UBL7: variants seen among roughly 807,000 people sequenced by gnomAD.
UBL7 encodes the protein ubiquitin-like protein 7.
A neutral mutation model predicts 41.7 loss-of-function variants in UBL7; 21 were observed. That is an observed-to-expected ratio of 0.50 (90% CI 0.36 to 0.73). UBL7 has a LOEUF of 0.73. UBL7 is among the 30% of genes least tolerant of loss of function. The pLI is 0.00. For missense variants in UBL7, 403 were observed against 478.4 expected, an observed-to-expected ratio of 0.84 and a Z score of 1.47; for synonymous variants, 157 against 186.9, an observed-to-expected ratio of 0.84 and a Z score of 1.31.
chr15:74,450,778 C>G (rs749062427), intron 6 of UBL7, 24 bp downstream of exon 6: 17 of 1,611,732 alleles, frequency 1.1e-5, no homozygotes, highest in Non-Finnish European at 1.3e-5. Flanking sequence ...AGAAGGTACC[C>G]TCTAATAGGA....
rs754454103 is a variant in UBL7 at position 74,446,230 on chromosome 15, G to A, written c.1006-3C>T. 1.7e-5 allele frequency: 27 copies of A among 1,613,692 alleles called. 1 individual carries two copies. The Admixed American group carries it at 4.2e-4, about 25-fold the overall frequency. The stretch of plus-strand genomic sequence containing the variant: ...TGCAGCTGGGGCTGCCACTGGCTCT[G>A]TGGAAAGATAGGAATGGGCAGAAGC... On this transcript the variant is annotated splice_polypyrimidine_tract_variant and splice_region_variant and intron_variant, in intron 10 of 10. Transcript: ENST00000395081. The surrounding 1 kb of genome is among the most constrained non-coding windows in gnomAD (Gnocchi z 4.1).
intron 1 of UBL7, chr15:74,460,710 C>A: frequency 7.8e-7 from 1 of 1,289,346 alleles, no homozygotes; most frequent in Non-Finnish European, 1.0e-6. Flanking sequence ...GAAACTCTGA[C>A]GGCGGAAGAA....
intron 9 of UBL7, 127 bp from the exon 10 acceptor site, chr15:74,448,727 GC>G: frequency 7.5e-7 from 1 of 1,338,198 alleles, no homozygotes; most frequent in African/African-American, 1.5e-5. Flanking sequence ...ACAAAGACCT[GC>G]CATAAGACAA....
intron 3 of UBL7, among the ~76,000 whole-genome samples, chr15:74,454,266 T>C (rs956561939): frequency 9.2e-5 from 14 of 152,210 alleles, no homozygotes; most frequent in Admixed American, 4.6e-4. Context: ...TTATTTTCCT[T>C]CTGTTAATGC....
At position 74,456,563 on chromosome 15, in the gene UBL7, T is replaced by C. The variant is rs1205485428; in HGVS notation, c.293A>G (p.Asp98Gly). ...HVLRKSWPEP[D>G]QKPEPVDKVA... ...TGCCCCTCACTCACCCGGTTTCTGA[T>C]CAGGTTCAGGCCAGGACTTTCGCAG... Residue 98 changes from aspartate to glycine, a missense_variant, in exon 3 of 11, where the codon GAT becomes GGT. Asp to Gly is a moderately conservative substitution (Grantham distance 94). Transcript: ENST00000395081. 6.2e-7 allele frequency: 1 copy of C among 1,614,060 alleles called. No homozygotes were observed. Among genetic ancestry groups the C allele is most frequent in the Non-Finnish European group, 8.5e-7 (1 of 1,179,952 alleles).
chr15:74,445,996 T>G lies in UBL7; in HGVS notation c.*94A>C. On this transcript the variant is annotated 3_prime_UTR_variant, in exon 11 of 11. Coordinates refer to ENST00000395081, the MANE Select transcript of UBL7 (RefSeq NM_032907.5). ...AAGCAGGAGAGTTGACCATCAGGTA[T>G]ATTGGGGAAGGGAGAGATGGAGGCA... is the stretch of plus-strand genomic sequence containing the variant. The G allele has an allele frequency of 6.0e-6, 9 of 1,491,282 alleles. No individual in the cohort carries two copies. Among genetic ancestry groups the G allele is most frequent in the Non-Finnish European group, 6.4e-6 (7 of 1,102,068 alleles). The allele number at this position is 1,491,282 out of a possible 1,614,324, so 92.4% of individuals were successfully genotyped here. A position where few individuals can be genotyped will look rare whatever the true frequency, so the allele number is the denominator to read the frequency against.
chr15:74,448,420 C>G (rs2061206308), intron 10 of UBL7, 58 bp downstream of exon 10: 3 of 1,606,708 alleles, frequency 1.9e-6, no homozygotes, highest in Non-Finnish European at 2.6e-6. Context: ...AAAACAAAGG[C>G]TGGGCATCCA....
chr15:74,456,656 C>A lies in UBL7; in HGVS notation c.200G>T (p.Gly67Val), dbSNP rs754662281. Residue 67 changes from glycine to valine, a missense_variant, in exon 3 of 11, where the codon GGT becomes GTT. Physicochemically the swap from Gly to Val is moderately radical, Grantham distance 109 (BLOSUM62 -3). Transcript: ENST00000395081. ...DPELIDLIYC[G>V]RKLKDDQTLD... ...TGTCTGGTCATCTTTTAGCTTCCGACCACAGTAGATCAGATCTAAAAAAAG... is the reference window on the plus strand; with the variant it reads ...TGTCTGGTCATCTTTTAGCTTCCGAACACAGTAGATCAGATCTAAAAAAAG... The A allele has an allele frequency of 9.9e-6, 16 of 1,614,084 alleles. No homozygotes were observed. The highest frequency in any genetic ancestry group is 1.4e-5 in the Non-Finnish European group (16 of 1,179,966).
At chr15:74,458,510 C>T (rs949967901) in intron 2 of UBL7, among the ~76,000 whole-genome samples, 174 bp downstream of exon 2, 1 of 152,212 alleles carries the variant, frequency 6.6e-6, no homozygotes, top group Non-Finnish European at 1.5e-5. Context: ...GAAATGGCAA[C>T]CAATAGTTTC....
Position 74,461,073 on chromosome 15 carries a change from C to A in UBL7, c.-66G>T. 2.9e-6 allele frequency: 3 copies of A among 1,017,798 alleles called. No individual in the cohort carries two copies. The highest frequency in any genetic ancestry group is 3.5e-6 in the Non-Finnish European group (3 of 847,410). The allele number at this position is 1,017,798 out of a possible 1,614,324, so 63.0% of individuals were successfully genotyped here. ...GACCAGCTACTTGGCTGACACACATCGAGCCCGCGCTGCCCAGGGCCCCAG... is the reference window on the plus strand; with the variant it reads ...GACCAGCTACTTGGCTGACACACATAGAGCCCGCGCTGCCCAGGGCCCCAG... On this transcript the variant is annotated 5_prime_UTR_variant, in exon 1 of 11. Transcript: ENST00000395081.
intron 3 of UBL7, among the ~76,000 whole-genome samples, chr15:74,453,982 C>T (rs1266268006): frequency 6.6e-6 from 1 of 152,228 alleles, no homozygotes; most frequent in Non-Finnish European, 1.5e-5. Flanking sequence ...AGCTAAGAGC[C>T]ATGGCTGTCA....
intron 3 of UBL7, among the ~76,000 whole-genome samples, chr15:74,454,364 A>C (rs745316413): frequency 9.2e-5 from 14 of 152,124 alleles, no homozygotes; most frequent in Non-Finnish European, 1.0e-4. Context: ...ACACCACAGG[A>C]AACCGTGGGC....
chr15:74,454,828 C>T (rs982812791), intron 3 of UBL7, among the ~76,000 whole-genome samples: 3 of 152,210 alleles, frequency 2.0e-5, no homozygotes, highest in Non-Finnish European at 4.4e-5. Context: ...ATCTTAATAA[C>T]TCTTACCTAG....
chr15:74,449,133 G>A, intron 9 of UBL7, 53 bp downstream of exon 9: 5 of 1,506,734 alleles, frequency 3.3e-6, no homozygotes, highest in Non-Finnish European at 4.4e-6. Flanking sequence ...CTACTGCTGG[G>A]GAGCTTGTTC....
chr15:74,452,218 T>C, intron 4 of UBL7, 78 bp downstream of exon 4: 1 of 1,460,486 alleles, frequency 6.8e-7, no homozygotes, highest in Middle Eastern at 2.1e-4. Flanking sequence ...GGCTTCCAGC[T>C]CCCACTCCAC....
Position 74,458,715 on chromosome 15 carries a change from G to C in UBL7, c.153C>G (p.Leu51=), listed in dbSNP as rs1386400895. 1 of 1,613,938 alleles carries C rather than the reference G, an allele frequency of 6.2e-7. No homozygotes were observed. The highest frequency in any genetic ancestry group is 8.5e-7 in the Non-Finnish European group (1 of 1,180,042). The stretch of plus-strand genomic sequence containing the variant: ...GCTCAGGGTCTGGAACAGACTCCTG[G>C]AGTTTGCCAGCAATAAGCTGCTTCA... The part of the protein sequence containing the change: ...SFLKQLIAGK[L]QESVPDPELI... Residue 51 remains leucine, a synonymous_variant, in exon 2 of 11, where the codon CTC becomes CTG. Coordinates refer to ENST00000395081, the MANE Select transcript of UBL7 (RefSeq NM_032907.5).
chr15:74,453,778 A>T (rs1351128161), intron 3 of UBL7, among the ~76,000 whole-genome samples: 4 of 152,268 alleles, frequency 2.6e-5, no homozygotes, highest in African/African-American at 7.2e-5. Flanking sequence ...AATCTGTGGG[A>T]GAACACAAAA....
In UBL7 at chr15:74,461,104, T is replaced by A; in HGVS notation, c.-97A>T. On this transcript the variant is annotated 5_prime_UTR_variant, in exon 1 of 11. Coordinates refer to ENST00000395081, the MANE Select transcript of UBL7 (RefSeq NM_032907.5). ...CGCGCTGCCCAGGGCCCCAGCGCCC[T>A]CACCCGTCCCGCGGAAGGAACCCGG... 2.0e-6 allele frequency: 2 copies of A among 997,932 alleles called. No individual in the cohort carries two copies. Among genetic ancestry groups the A allele is most frequent in the Non-Finnish European group, 2.4e-6 (2 of 836,278 alleles). The allele number at this position is 997,932 out of a possible 1,614,324, so 61.8% of individuals were successfully genotyped here. A position where few individuals can be genotyped will look rare whatever the true frequency, so the allele number is the denominator to read the frequency against.
In UBL7 at chr15:74,446,696, G is replaced by T. The variant is rs763478549; in HGVS notation, c.1006-469C>A. On this transcript the variant is annotated intron_variant, in intron 10 of 10. Coordinates refer to ENST00000395081, the MANE Select transcript of UBL7 (RefSeq NM_032907.5). The surrounding 1 kb of genome is among the most constrained non-coding windows in gnomAD (Gnocchi z 4.1). ...TCTTAAATTTTTGTGGTATATAGTA[G>T]GTATATCTATTTGTGGACTGTAAGA... Among the ~76,000 whole-genome samples the T allele has an allele frequency of 9.2e-5, 14 of 151,980 alleles. No individual in the cohort carries two copies. Among genetic ancestry groups the T allele is most frequent in the Admixed American group, 7.2e-4 (11 of 15,268 alleles).
Sources: gnomAD v4.1 joint callset for allele counts (sites outside exome capture counted in the v4.1 genomes callset) on GRCh38, gnomAD v4.1.1 for gene constraint, Gnocchi (gnomAD v3.1) non-coding constraint, MANE v1.5 for transcripts, NCBI Gene and HGNC (gene_info 2026-07-23, HGNC 2026-07-21) for gene names.